Variants in ULK4 observed in about 807,000 individuals in gnomAD.
ULK4 encodes the protein inactive serine/threonine-protein kinase ULK4.
ULK4 carries 133 observed loss-of-function variants against 160.6 expected under a neutral mutation model. The ratio of observed to expected loss-of-function variants is 0.83; its 90% CI spans 0.72 to 0.96. The LOEUF (loss-of-function observed/expected upper bound fraction) is 0.96. ULK4 is among the 40% of genes least tolerant of loss of function. The pLI is 0.00. For missense variants in ULK4, 1,580 were observed against 1,499.5 expected, an observed-to-expected ratio of 1.05 and a Z score of -0.89; for synonymous variants, 534 against 539.8, an observed-to-expected ratio of 0.99 and a Z score of 0.15.
At chr3:41,344,083 C>T (rs914744077) in intron 35 of ULK4, among the ~76,000 whole-genome samples, 1 of 152,200 alleles carries the variant, frequency 6.6e-6, no homozygotes, top group Non-Finnish European at 1.5e-5. Flanking sequence ...AACTACACTA[C>T]AAGGCTGCAG....
At chr3:41,937,978 T>C in intron 3 of ULK4, 120 bp downstream of exon 3, 1 of 621,368 alleles carries the variant, frequency 1.6e-6, no homozygotes, top group East Asian at 3.0e-5. Flanking sequence ...CCTTCCCTAA[T>C]ATCCACAGAG....
chr3:41,636,609 TTTAA>T (rs983902954), intron 30 of ULK4, among the ~76,000 whole-genome samples: 23 of 152,106 alleles, frequency 1.5e-4, no homozygotes, highest in African/African-American at 5.1e-4. Context: ...GTTGTTTTTT[TTTAA>T]TTATTATTAT....
At chr3:41,433,968 C>T (rs577008865) in intron 34 of ULK4, among the ~76,000 whole-genome samples, 23 of 152,180 alleles carry the variant, frequency 1.5e-4, no homozygotes, top group South Asian at 1.0e-3. Flanking sequence ...GTGATCCGCC[C>T]GCCTTGGCCT....
At chr3:41,353,699 TTACTACTACTACTACTACTACTACTAC>T (rs4016416) in intron 35 of ULK4, among the ~76,000 whole-genome samples, 2 of 143,956 alleles carry the variant, frequency 1.4e-5, no homozygotes, top group Admixed American at 7.0e-5. Flanking sequence ...ATAATTACAA[TTACTACTACTACTACTACTACTACTAC>T]TACTACTACT....
At chr3:41,839,389 T>C (rs1223998462) in intron 17 of ULK4, among the ~76,000 whole-genome samples, 2 of 150,372 alleles carry the variant, frequency 1.3e-5, no homozygotes, top group Non-Finnish European at 3.0e-5. Context: ...ATACTAAATA[T>C]GTGAAGTAAT....
At chr3:41,899,186 C>A (rs1386490883) in intron 13 of ULK4, 38 of 152,116 alleles carry the variant, frequency 2.5e-4, no homozygotes, top group African/African-American at 8.2e-4. Flanking sequence ...AAGTATTATG[C>A]CACTCCAATT....
intron 22 of ULK4, among the ~76,000 whole-genome samples, chr3:41,747,335 T>C (rs968191237): frequency 2.0e-5 from 3 of 151,930 alleles, no homozygotes; most frequent in Non-Finnish European, 1.5e-5. Context: ...CATTGGCTCC[T>C]GCATTCTTTT....
chr3:41,465,580 T>C (rs1254004126), intron 32 of ULK4, among the ~76,000 whole-genome samples: 2 of 152,212 alleles, frequency 1.3e-5, no homozygotes, highest in Non-Finnish European at 2.9e-5. Context: ...CTTCCTCTAC[T>C]TACAATTTTT....
chr3:41,439,242 G>C (rs2083104217), intron 34 of ULK4, among the ~76,000 whole-genome samples: 1 of 152,272 alleles, frequency 6.6e-6, no homozygotes, highest in African/African-American at 2.4e-5. Flanking sequence ...CCAAATAATA[G>C]CTTGAGATAG....
intron 17 of ULK4, among the ~76,000 whole-genome samples, chr3:41,837,042 G>A (rs1246777521): frequency 2.6e-5 from 4 of 152,122 alleles, no homozygotes; most frequent in Non-Finnish European, 4.4e-5. Flanking sequence ...TGACAAAGAC[G>A]TTAGTTTAAA....
chr3:41,959,341 G>A (rs533059518), intron 1 of ULK4, among the ~76,000 whole-genome samples: 92 of 142,094 alleles, frequency 6.5e-4, no homozygotes, highest in African/African-American at 2.3e-3. Flanking sequence ...TCCAGCCTGA[G>A]GAACAGAACA....
At chr3:41,897,835 G>A (rs1263791590) in intron 14 of ULK4, among the ~76,000 whole-genome samples, 5 of 151,990 alleles carry the variant, frequency 3.3e-5, no homozygotes, top group South Asian at 2.1e-4. Flanking sequence ...CTCTAGCCAC[G>A]ATGAATAATT....
intron 2 of ULK4, among the ~76,000 whole-genome samples, chr3:41,950,286 G>A (rs146304354): frequency 1.3e-3 from 204 of 152,124 alleles, no homozygotes; most frequent in African/African-American, 4.8e-3. Flanking sequence ...TGTTGCCCAG[G>A]CTGGAGTGCA....
Position 41,900,785 on chromosome 3 carries a change from C to T in ULK4, c.1227G>A (p.Met409Ile), listed in dbSNP as rs1575914081. 1 of 1,613,768 alleles carries T rather than the reference C, an allele frequency of 6.2e-7. No individual in the cohort carries two copies. The highest frequency in any genetic ancestry group is 8.5e-7 in the Non-Finnish European group (1 of 1,179,774). ...CTGAGTCCGTGTAGATAAGCTCTCT[C>T]ATCTGGGATTCCAGGTCCTGCTGAC... Reference protein sequence around the residue: ...HLSQQDLESQMRELIYTDSDL... With the variant: ...HLSQQDLESQIRELIYTDSDL... The change falls in exon 13 of 37, where the codon ATG becomes ATA. Residue 409 changes from methionine (M) to isoleucine (I), a missense_variant. Physicochemically the swap from Met to Ile is conservative, Grantham distance 10. Coordinates refer to ENST00000301831, the MANE Select transcript of ULK4 (RefSeq NM_017886.4).
intron 32 of ULK4, among the ~76,000 whole-genome samples, chr3:41,470,276 A>G (rs1457348201): frequency 6.6e-6 from 1 of 152,224 alleles, no homozygotes; most frequent in Non-Finnish European, 1.5e-5. Flanking sequence ...CAATGTCAGT[A>G]GATTTCTTAA....
chr3:41,499,763 G>A (rs1239023320), intron 32 of ULK4, among the ~76,000 whole-genome samples: 2 of 152,128 alleles, frequency 1.3e-5, no homozygotes, highest in African/African-American at 2.4e-5. Flanking sequence ...TAAAAATGAG[G>A]TTGTCTATGG....
chr3:41,880,293 A>G (rs556136652), intron 17 of ULK4, among the ~76,000 whole-genome samples: 45 of 152,178 alleles, frequency 3.0e-4, no homozygotes, highest in African/African-American at 1.0e-3. Context: ...ATCTAGGAAT[A>G]TAAGCTTCAG....
chr3:41,947,740 A>G (rs1700155228), intron 2 of ULK4, among the ~76,000 whole-genome samples: 1 of 152,196 alleles, frequency 6.6e-6, no homozygotes, highest in Admixed American at 6.6e-5. Context: ...TAAGACCCCT[A>G]AAAAGCAGGG....
At chr3:41,590,753 A>G (rs2031237143) in intron 31 of ULK4, among the ~76,000 whole-genome samples, 1 of 151,838 alleles carries the variant, frequency 6.6e-6, no homozygotes, top group South Asian at 2.1e-4. Flanking sequence ...ACCTCGCAAT[A>G]CAGTATATCC....
Sources: allele counts gnomAD v4.1 joint callset (sites outside exome capture counted in the v4.1 genomes callset), GRCh38; gene constraint gnomAD v4.1.1; transcripts MANE v1.5; gene names NCBI Gene and HGNC (gene_info 2026-07-23, HGNC 2026-07-21).